MBOAT2: variants seen among roughly 807,000 people sequenced by gnomAD.
The protein encoded by MBOAT2 is membrane-bound glycerophospholipid O-acyltransferase 2.
Under a neutral mutation model 63.4 loss-of-function variants are expected in MBOAT2, and 28 were observed. The observed-to-expected ratio is 0.44, with a 90% CI of 0.33 to 0.61. MBOAT2 has a LOEUF of 0.61. Ranked by LOEUF, MBOAT2 falls within the 20% of genes least tolerant of loss-of-function variation. The pLI is 0.03. For synonymous variants in MBOAT2, 211 were observed against 215.6 expected (o/e 0.98, Z 0.19); for missense variants, 470 against 605.8 (o/e 0.78, Z 2.35).
chr2:8,898,716 C>T (rs1324488713), intron 4 of MBOAT2, among the ~76,000 whole-genome samples: 3 of 152,310 alleles, frequency 2.0e-5, no homozygotes, highest in East Asian at 1.9e-4. Context: ...AGACCGTCCA[C>T]GTAAGTTGGG....
chr2:8,857,203 C>T lies in MBOAT2; in HGVS notation c.*1476G>A, dbSNP rs1381265218. ...TTTGCATTTCATTAAAAATTTAAGG[C>T]AAAAAGTAAAAGTAAGTTCCATACA... On this transcript the variant is annotated 3_prime_UTR_variant, in exon 13 of 13. Coordinates refer to ENST00000305997, the MANE Select transcript of MBOAT2 (RefSeq NM_138799.4). 2 of 152,504 alleles carry T rather than the reference C, an allele frequency of 1.3e-5. No individual in the cohort carries two copies. Among genetic ancestry groups the T allele is most frequent in the African/African-American group, 4.8e-5 (2 of 41,406 alleles). 9.4% of individuals were successfully genotyped at this position (152,504 alleles called of 1,614,324 possible). A position where few individuals can be genotyped will look rare whatever the true frequency, so the allele number is the denominator to read the frequency against.
rs1443891975 is a variant in MBOAT2 at position 8,854,990 on chromosome 2, G to C, written c.*3689C>G. On this transcript the variant is annotated 3_prime_UTR_variant, in exon 13 of 13. Coordinates refer to ENST00000305997, the MANE Select transcript of MBOAT2 (RefSeq NM_138799.4). ...ACAGCACAGAAACCAACAAAGCAGA[G>C]AGAGCAAAAGGAAAACATGTTTTCT... 1 of 152,192 alleles carries C rather than the reference G, an allele frequency of 6.6e-6. No individual in the cohort carries two copies. Among genetic ancestry groups the C allele is most frequent in the Non-Finnish European group, 1.5e-5 (1 of 68,042 alleles). 9.4% of individuals were successfully genotyped at this position (152,192 alleles called of 1,614,324 possible).
intron 3 of MBOAT2, among the ~76,000 whole-genome samples, chr2:8,916,679 T>C (rs62104427): frequency 0.068 from 10,333 of 152,294 alleles, 381 homozygotes; most frequent in Middle Eastern, 0.095. Context: ...TTTAACACGA[T>C]GAAATCAAAT....
intron 3 of MBOAT2, among the ~76,000 whole-genome samples, chr2:8,927,612 T>C (rs1667021520): frequency 6.6e-6 from 1 of 151,720 alleles, no homozygotes; most frequent in Non-Finnish European, 1.5e-5. Flanking sequence ...GTGCATGGAG[T>C]GCCGATGAGG....
chr2:8,906,041 T>G (rs936361036), intron 4 of MBOAT2, among the ~76,000 whole-genome samples: 1 of 152,240 alleles, frequency 6.6e-6, no homozygotes, highest in Non-Finnish European at 1.5e-5. Context: ...CACTGCAACC[T>G]CTGCCCCCAG....
At chr2:8,994,844 T>G (rs955167251) in intron 1 of MBOAT2, among the ~76,000 whole-genome samples, 8 of 152,076 alleles carry the variant, frequency 5.3e-5, no homozygotes. Context: ...AGCCAAAAAG[T>G]GTAGCAGGGA....
intron 4 of MBOAT2, among the ~76,000 whole-genome samples, chr2:8,894,249 T>C (rs1042921843): frequency 6.6e-6 from 1 of 152,212 alleles, no homozygotes; most frequent in Non-Finnish European, 1.5e-5. Context: ...CACACATACA[T>C]TCAGGGAGAA....
At chr2:8,912,586 CT>C in intron 3 of MBOAT2, among the ~76,000 whole-genome samples, 1 of 152,080 alleles carries the variant, frequency 6.6e-6, no homozygotes, top group East Asian at 1.9e-4. Flanking sequence ...AATTCAACCC[CT>C]TTTACAACAG....
chr2:8,900,675 G>C (rs756330809), intron 4 of MBOAT2, among the ~76,000 whole-genome samples: 4 of 152,168 alleles, frequency 2.6e-5, no homozygotes, highest in Non-Finnish European at 4.4e-5. Context: ...GGGAGGCTAG[G>C]ATATGGCGGT....
intron 5 of MBOAT2, among the ~76,000 whole-genome samples, chr2:8,882,943 G>C (rs1162826935): frequency 6.6e-6 from 1 of 152,084 alleles, no homozygotes; most frequent in African/African-American, 2.4e-5. Context: ...TAAACTAGAA[G>C]ATCAACCTAA....
At chr2:8,934,269 A>T (rs1401848502) in intron 3 of MBOAT2, among the ~76,000 whole-genome samples, 1 of 152,234 alleles carries the variant, frequency 6.6e-6, no homozygotes, top group East Asian at 1.9e-4. Flanking sequence ...GCTTTTGTTC[A>T]GAGACCCTGT....
intron 6 of MBOAT2, among the ~76,000 whole-genome samples, chr2:8,880,687 C>G (rs547610609): frequency 2.0e-5 from 3 of 152,174 alleles, no homozygotes; most frequent in Non-Finnish European, 4.4e-5. Context: ...GAGGATGCAG[C>G]AGAAGAGACA....
intron 1 of MBOAT2, among the ~76,000 whole-genome samples, chr2:9,002,583 G>A (rs1177444654): frequency 6.6e-6 from 1 of 152,134 alleles, no homozygotes; most frequent in Non-Finnish European, 1.5e-5. Context: ...TTAGCCTGGG[G>A]CTAGAGCAAT....
intron 4 of MBOAT2, among the ~76,000 whole-genome samples, chr2:8,907,859 A>G (rs1665444603): frequency 6.6e-6 from 1 of 152,070 alleles, no homozygotes; most frequent in African/African-American, 2.4e-5. Flanking sequence ...GAGCTCATAC[A>G]ACTTTGGTCC....
chr2:8,873,891 A>C (rs1383594612), intron 7 of MBOAT2, among the ~76,000 whole-genome samples: 3 of 152,216 alleles, frequency 2.0e-5, no homozygotes, highest in African/African-American at 7.2e-5. Flanking sequence ...TAGTGCGGTA[A>C]GGTCGCATCA....
At chr2:8,917,950 G>T (rs913844900) in intron 3 of MBOAT2, among the ~76,000 whole-genome samples, 6 of 152,182 alleles carry the variant, frequency 3.9e-5, no homozygotes, top group African/African-American at 1.4e-4. Context: ...ATTAAGCTGA[G>T]TAAAAAATGC....
intron 3 of MBOAT2, among the ~76,000 whole-genome samples, chr2:8,921,431 A>G (rs1010985975): frequency 7.2e-5 from 11 of 152,210 alleles, no homozygotes; most frequent in Non-Finnish European, 1.3e-4. Context: ...ACCAAATAAT[A>G]CAGTATTATA....
At chr2:8,860,897 G>C (rs1395576402) in intron 11 of MBOAT2, 133 bp from the exon 12 acceptor site, 1 of 668,256 alleles carries the variant, frequency 1.5e-6, no homozygotes, top group Non-Finnish European at 2.5e-6. Flanking sequence ...TAGTGGGAAT[G>C]TACACTGCTA....
chr2:8,951,845 T>C (rs1408542217), intron 2 of MBOAT2, among the ~76,000 whole-genome samples: 1 of 152,256 alleles, frequency 6.6e-6, no homozygotes, highest in African/African-American at 2.4e-5. Context: ...TAGCAATCTA[T>C]TGGTCCTCTT....
Sources: gnomAD v4.1 joint callset for allele counts (sites outside exome capture counted in the v4.1 genomes callset) on GRCh38, gnomAD v4.1.1 for gene constraint, MANE v1.5 for transcripts, NCBI Gene and HGNC (gene_info 2026-07-23, HGNC 2026-07-21) for gene names.